The following PDCD11 variants were observed in gnomAD, a reference collection of about 807,000 sequenced individuals.
The protein encoded by PDCD11 is programmed cell death 11.
PDCD11 carries 97 observed loss-of-function variants against 198.9 expected under a neutral mutation model. That is an observed-to-expected ratio of 0.49 (90% CI 0.41 to 0.58). PDCD11 has a LOEUF of 0.58. Ranked by LOEUF, PDCD11 falls within the 20% of genes least tolerant of loss-of-function variation. The pLI is 0.00. For synonymous variants in PDCD11, 893 were observed against 918.0 expected, an observed-to-expected ratio of 0.97 and a Z score of 0.49; for missense variants, 2,102 against 2,312.7, an observed-to-expected ratio of 0.91 and a Z score of 1.87.
chr10:103,442,210 C>T lies in PDCD11; in HGVS notation c.4708-3C>T. Reference sequence around the variant, plus strand: ...CTCACGGTGTTTCTGCTTTCCATAGCAGATAAAGAAAAGCAAGAAAGAAAG... The same window carrying T: ...CTCACGGTGTTTCTGCTTTCCATAGTAGATAAAGAAAAGCAAGAAAGAAAG... On this transcript the variant is annotated splice_region_variant and splice_polypyrimidine_tract_variant and intron_variant, in intron 31 of 35. Coordinates refer to ENST00000369797, the MANE Select transcript of PDCD11 (RefSeq NM_014976.2). 1 of 1,613,782 alleles carries T rather than the reference C, an allele frequency of 6.2e-7. No individual in the cohort carries two copies. Among genetic ancestry groups the T allele is most frequent in the Non-Finnish European group, 8.5e-7 (1 of 1,179,896 alleles).
Position 103,423,525 on chromosome 10 carries a change from T to G in PDCD11, c.2648-18T>G, listed in dbSNP as rs1195268743. 2 of 1,539,674 alleles carry G rather than the reference T, an allele frequency of 1.3e-6. No homozygotes were observed. Among genetic ancestry groups the G allele is most frequent in the Non-Finnish European group, 1.8e-6 (2 of 1,112,268 alleles). On this transcript the variant is annotated intron_variant, in intron 18 of 35. Coordinates refer to ENST00000369797, the MANE Select transcript of PDCD11 (RefSeq NM_014976.2). ...CTCTGTTCCAGAAGGATAATCACAC[T>G]GTGGTTCTGCACTGCAGGGCAGGAG...
At chr10:103,418,782 A>G (rs1355616901) in intron 15 of PDCD11, 148 bp downstream of exon 15, 6 of 693,772 alleles carry the variant, frequency 8.6e-6, no homozygotes, top group Admixed American at 8.4e-5. Context: ...TATGGAAAGT[A>G]AGAGCAGGCC....
At chr10:103,406,574 A>G (rs762539305) in intron 6 of PDCD11, 35 bp from the exon 7 acceptor site, 8 of 1,596,732 alleles carry the variant, frequency 5.0e-6, no homozygotes, top group East Asian at 4.5e-5. Flanking sequence ...TCATAGATAC[A>G]TTTTTCCTTT....
chr10:103,398,336 G>T, intron 1 of PDCD11, 80 bp from the exon 2 acceptor site: 1 of 849,606 alleles, frequency 1.2e-6, no homozygotes, highest in South Asian at 1.4e-5. Flanking sequence ...GGAACGTTCT[G>T]TCTCTTGCCC....
intron 12 of PDCD11, 138 bp from the exon 13 acceptor site, chr10:103,416,353 T>G: frequency 5.2e-6 from 4 of 772,652 alleles, no homozygotes; most frequent in Non-Finnish European, 8.7e-6. Context: ...AATCTGCCAC[T>G]GAGATGATTA....
chr10:103,435,011 T>G (rs778844946), intron 25 of PDCD11, 36 bp downstream of exon 25: 1 of 1,393,246 alleles, frequency 7.2e-7, no homozygotes, highest in Non-Finnish European at 9.5e-7. Context: ...CACCTGTCTG[T>G]GGAATTGGTA....
chr10:103,430,639 T>C (rs1042185985), intron 21 of PDCD11, among the ~76,000 whole-genome samples: 5 of 151,874 alleles, frequency 3.3e-5, no homozygotes, highest in African/African-American at 7.2e-5. Flanking sequence ...TATTTTCTTT[T>C]TTTTTTTTTT....
Position 103,416,557 on chromosome 10 carries a change from A to C in PDCD11, c.1585A>C (p.Lys529Gln). 6.2e-7 allele frequency: 1 copy of C among 1,614,218 alleles called. No individual in the cohort carries two copies. Among genetic ancestry groups the C allele is most frequent in the South Asian group, 1.1e-5 (1 of 91,090 alleles). Residue 529 changes from lysine (K) to glutamine (Q), a missense_variant, in exon 13 of 36, where the codon AAA becomes CAA. Transcript: ENST00000369797. ...CCTGAAAAAAACCCTGATTGAGTCCAAACTACCTGTCATTACCTGCTATGC... is the reference window on the plus strand; with the variant it reads ...CCTGAAAAAAACCCTGATTGAGTCCCAACTACCTGTCATTACCTGCTATGC... The part of the protein sequence containing the change: ...MTLKKTLIES[K>Q]LPVITCYADA...
chr10:103,417,954 A>T, intron 14 of PDCD11, 22 bp downstream of exon 14: 2 of 1,612,940 alleles, frequency 1.2e-6, no homozygotes, highest in Non-Finnish European at 1.7e-6. Context: ...TCTCTGGACA[A>T]GCTATTTTAT....
At chr10:103,421,708 T>A in intron 17 of PDCD11, 141 bp downstream of exon 17, 1 of 606,274 alleles carries the variant, frequency 1.6e-6, no homozygotes, top group Non-Finnish European at 2.9e-6. Context: ...CTCACGCCTG[T>A]AATCCCAGCA....
chr10:103,426,948 TAAAA>T (rs1177005783), intron 20 of PDCD11, among the ~76,000 whole-genome samples: 8 of 148,522 alleles, frequency 5.4e-5, no homozygotes, highest in African/African-American at 1.7e-4. Flanking sequence ...AATAAATAAA[TAAAA>T]ATAAAAATTA....
At chr10:103,424,853 C>T (rs561145706) in intron 19 of PDCD11, 131 bp from the exon 20 acceptor site, 3 of 957,268 alleles carry the variant, frequency 3.1e-6, no homozygotes, top group Non-Finnish European at 4.7e-6. Flanking sequence ...TGTTCCAGCT[C>T]AGACCAGCCT....
rs1289216974 is a variant in PDCD11 at position 103,416,661 on chromosome 10, C to G, written c.1689C>G (p.Asn563Lys). 11 of 1,614,108 alleles carry G rather than the reference C, an allele frequency of 6.8e-6. No individual in the cohort carries two copies. The highest frequency in any genetic ancestry group is 9.3e-6 in the Non-Finnish European group (11 of 1,180,038). ...KDYGCIVKFY[N>K]NVQGLVPKHE... ...ATGGCTGCATTGTGAAGTTCTACAA[C>G]AATGTGCAGGGACTGGTGCCCAAGC... is the stretch of plus-strand genomic sequence containing the variant. Residue 563 changes from asparagine to lysine, a missense_variant, in exon 13 of 36, where the codon AAC becomes AAG. By Grantham distance (94) the Asn-to-Lys change is moderately conservative. Transcript: ENST00000369797.
chr10:103,445,868 A>C lies in PDCD11; in HGVS notation c.*319A>C. The C allele has an allele frequency of 3.5e-6, 1 of 283,410 alleles. No individual in the cohort carries two copies. Among genetic ancestry groups the C allele is most frequent in the Non-Finnish European group, 6.8e-6 (1 of 148,030 alleles). The allele number at this position is 283,410 out of a possible 1,614,324, so 17.6% of individuals were successfully genotyped here. ...GGAGTTCCCTGGGGAGCAAGAGTAG[A>C]GGGGCTATTCCCGAGGGTCCTGTGG... On this transcript the variant is annotated 3_prime_UTR_variant, in exon 36 of 36. Transcript: ENST00000369797.
At chr10:103,421,662 A>C (rs1351570373) in intron 17 of PDCD11, 95 bp downstream of exon 17, 44 of 1,084,188 alleles carry the variant, frequency 4.1e-5, no homozygotes, top group Non-Finnish European at 5.8e-5. Flanking sequence ...GCTTCCCAGA[A>C]CATAAGAAAA....
chr10:103,433,367 C>T lies in PDCD11; in HGVS notation c.3475-581C>T, dbSNP rs577665401. On this transcript the variant is annotated intron_variant, in intron 22 of 35. Coordinates refer to ENST00000369797, the MANE Select transcript of PDCD11 (RefSeq NM_014976.2). ...AAAATTTAGCCGGGCCTGGGGCGTG[C>T]GCGCCTGTAATCCCAGCTACCCTGG... Among the ~76,000 whole-genome samples the T allele has an allele frequency of 5.9e-5, 9 of 152,144 alleles. No individual in the cohort carries two copies. In the South Asian group the frequency reaches 1.5e-3, roughly 25 times the overall value.
In PDCD11 at chr10:103,440,839, G is replaced by A. The variant is rs1025645581; in HGVS notation, c.4546G>A (p.Val1516Met). ...EGKEEAEETNVLPKEKQTKPA... is the reference protein window; with the variant it reads ...EGKEEAEETNMLPKEKQTKPA... Reference sequence around the variant, plus strand: ...AAAAGAGGAGGCAGAAGAGACGAATGTGCTGCCCAAGGTGAGGGTGACGTC... The same window carrying A: ...AAAAGAGGAGGCAGAAGAGACGAATATGCTGCCCAAGGTGAGGGTGACGTC... The change falls in exon 30 of 36, where the codon GTG becomes ATG. Residue 1516 changes from valine (V) to methionine (M), a missense_variant. Val to Met is a conservative substitution (Grantham distance 21, BLOSUM62 1). Transcript: ENST00000369797. 1.2e-6 allele frequency: 2 copies of A among 1,610,692 alleles called. No individual in the cohort carries two copies. The highest frequency in any genetic ancestry group is 1.7e-6 in the Non-Finnish European group (2 of 1,177,970).
chr10:103,402,592 C>T (rs1323597496), intron 3 of PDCD11, among the ~76,000 whole-genome samples: 2 of 152,062 alleles, frequency 1.3e-5, no homozygotes, highest in African/African-American at 4.8e-5. Context: ...GCACCTGCCA[C>T]CATGCCCGGC....
At chr10:103,434,213 C>A in intron 23 of PDCD11, 35 bp from the exon 24 acceptor site, 1 of 1,436,348 alleles carries the variant, frequency 7.0e-7, no homozygotes, top group Non-Finnish European at 9.8e-7. Context: ...GACAGCCTTT[C>A]TTCAAGCATC....
Sources: allele counts gnomAD v4.1 joint callset (sites outside exome capture counted in the v4.1 genomes callset), GRCh38; gene constraint gnomAD v4.1.1; transcripts MANE v1.5; gene names NCBI Gene and HGNC (gene_info 2026-07-23, HGNC 2026-07-21).